PCDH11X: variants seen among roughly 807,000 people sequenced by gnomAD.
The protein encoded by PCDH11X is protocadherin 11 X-linked, also known as protocadherin-11 X-linked.
Under a neutral mutation model 53.3 loss-of-function variants are expected in PCDH11X, and 18 were observed. The observed-to-expected ratio is 0.34, with a 90% confidence interval of 0.23 to 0.50. PCDH11X has a LOEUF of 0.50. Ranked by LOEUF, PCDH11X falls within the 20% of genes least tolerant of loss-of-function variation. The probability of loss-of-function intolerance (pLI) is 0.98; values close to 1 mark genes in which losing one functional copy is unlikely to be tolerated. For synonymous variants in PCDH11X, 279 were observed against 393.3 expected (o/e 0.71, Z 3.44); for missense variants, 570 against 1,032.4 (o/e 0.55, Z 6.14).
intron 6 of PCDH11X, among the ~76,000 whole-genome samples, chrX:92,168,870 G>C (rs1372968163): frequency 3.6e-5 from 4 of 111,398 alleles, no homozygotes; most frequent in African/African-American, 1.3e-4. Context: ...CCATTATAAG[G>C]TCTGCTTTGG....
At chrX:92,225,691 A>T (rs1018317608) in intron 7 of PCDH11X, among the ~76,000 whole-genome samples, 5 of 111,470 alleles carry the variant, frequency 4.5e-5, no homozygotes, top group Middle Eastern at 8.4e-3. Flanking sequence ...TTGCAAAATT[A>T]AGAAAATAAA....
chrX:92,134,874 C>A (rs758750938), intron 6 of PCDH11X, among the ~76,000 whole-genome samples: 9 of 110,515 alleles, frequency 8.1e-5, no homozygotes. Flanking sequence ...TTTACTGCAG[C>A]CTGCTTTATC....
At chrX:91,900,120 C>G (rs1940898716) in intron 6 of PCDH11X, among the ~76,000 whole-genome samples, 1 of 110,366 alleles carries the variant, frequency 9.1e-6, no homozygotes, top group African/African-American at 3.3e-5. Flanking sequence ...TCCATGCATA[C>G]TATTCCCTAC....
chrX:92,548,494 T>C (rs1382144292), intron 10 of PCDH11X, among the ~76,000 whole-genome samples: 1 of 111,991 alleles, frequency 8.9e-6, no homozygotes, highest in African/African-American at 3.2e-5. Flanking sequence ...TATCTAGCCT[T>C]CTGGCATCTT....
At chrX:92,478,009 GA>G (rs962299743) in intron 10 of PCDH11X, among the ~76,000 whole-genome samples, 1 of 109,468 alleles carries the variant, frequency 9.1e-6, no homozygotes, top group South Asian at 4.1e-4. Flanking sequence ...GAGGTGATTG[GA>G]TCATAGGAGC....
At chrX:92,506,794 C>A (rs1445703033) in intron 10 of PCDH11X, among the ~76,000 whole-genome samples, 2 of 110,365 alleles carry the variant, frequency 1.8e-5, no homozygotes, top group African/African-American at 6.6e-5. Flanking sequence ...ATGATACAAG[C>A]TGTTCTCTAT....
At chrX:92,562,134 C>T (rs1411399977) in intron 10 of PCDH11X, among the ~76,000 whole-genome samples, 1 of 56,181 alleles carries the variant, frequency 1.8e-5, no homozygotes. Flanking sequence ...AAATACCTCA[C>T]ATGGCAAAAG....
At chrX:92,158,847 G>A (rs746517306) in intron 6 of PCDH11X, among the ~76,000 whole-genome samples, 1 of 111,156 alleles carries the variant, frequency 9.0e-6, no homozygotes, top group African/African-American at 3.3e-5. Flanking sequence ...TGTTGGCCAG[G>A]ATGGTCTCGA....
intron 7 of PCDH11X, among the ~76,000 whole-genome samples, chrX:92,247,367 A>T (rs1257007229): frequency 8.9e-6 from 1 of 111,772 alleles, no homozygotes; most frequent in Non-Finnish European, 1.9e-5. Flanking sequence ...AAAATAAATT[A>T]GTTAACTGAT....
At chrX:91,794,998 C>A (rs1217401892) in intron 1 of PCDH11X, among the ~76,000 whole-genome samples, 1 of 108,046 alleles carries the variant, frequency 9.3e-6, no homozygotes, top group Non-Finnish European at 1.9e-5. Context: ...ATGTGACTGG[C>A]TCCTCCTTGC....
intron 8 of PCDH11X, among the ~76,000 whole-genome samples, chrX:92,365,955 G>A (rs1214030375): frequency 1.8e-5 from 2 of 110,816 alleles, no homozygotes; most frequent in East Asian, 5.7e-4. Context: ...TTTTTTTGTT[G>A]TGCCTCTGCC....
intron 10 of PCDH11X, among the ~76,000 whole-genome samples, chrX:92,579,368 T>G (rs772808971): frequency 1.8e-5 from 2 of 108,572 alleles, no homozygotes; most frequent in African/African-American, 6.7e-5. Flanking sequence ...TTCCCTCCTC[T>G]CTTTCAGGCA....
chrX:92,562,621 C>A (rs1343567293), intron 10 of PCDH11X, among the ~76,000 whole-genome samples: 1 of 108,788 alleles, frequency 9.2e-6, no homozygotes, highest in Non-Finnish European at 1.9e-5. Flanking sequence ...TTATTTACTC[C>A]CACATATGAA....
At chrX:91,823,295 A>T (rs1332879121) in intron 4 of PCDH11X, among the ~76,000 whole-genome samples, 1 of 110,425 alleles carries the variant, frequency 9.1e-6, no homozygotes, top group Non-Finnish European at 1.9e-5. Context: ...CCCATTATTA[A>T]TGTGTCGGAG....
chrX:92,257,324 G>T (rs1266421264), intron 7 of PCDH11X, among the ~76,000 whole-genome samples: 6 of 111,083 alleles, frequency 5.4e-5, no homozygotes, highest in African/African-American at 1.6e-4. Context: ...TTAGACATGA[G>T]ATTTGAGTGG....
At chrX:91,816,616 G>T (rs1191803207) in intron 4 of PCDH11X, among the ~76,000 whole-genome samples, 3 of 111,202 alleles carry the variant, frequency 2.7e-5, no homozygotes, top group Non-Finnish European at 5.7e-5. Context: ...TCAAGGGAAA[G>T]TCTGCACAAA....
Position 92,131,795 on chromosome X carries a change from G to A in PCDH11X, c.3034-69580G>A, listed in dbSNP as rs2064976364. ...CTCCTGCTAAATCACGGAGGTTTGG[G>A]GAGTTCCTGGAGGACTGGGGAGTTT... is the stretch of plus-strand genomic sequence containing the variant. On this transcript the variant is annotated intron_variant, in intron 6 of 10. Coordinates refer to ENST00000682573, the MANE Select transcript of PCDH11X (RefSeq NM_032968.5). Among the ~76,000 whole-genome samples the A allele has an allele frequency of 4.6e-5, 5 of 109,669 alleles. No homozygotes were observed. In the South Asian group the frequency reaches 1.6e-3, roughly 35 times the overall value.
intron 5 of PCDH11X, among the ~76,000 whole-genome samples, chrX:91,851,301 T>G (rs2147659803): frequency 8.9e-6 from 1 of 112,008 alleles, no homozygotes; most frequent in East Asian, 2.8e-4. Context: ...CATATGATAT[T>G]GTCAGATCAA....
At chrX:91,879,761 T>G in intron 6 of PCDH11X, 1 of 758,376 alleles carries the variant, frequency 1.3e-6, no homozygotes, top group Non-Finnish European at 1.5e-6. Context: ...CCCCCCATAC[T>G]CTACCAGGCC....
Sources: allele counts gnomAD v4.1 joint callset (sites outside exome capture counted in the v4.1 genomes callset), GRCh38; gene constraint gnomAD v4.1.1; transcripts MANE v1.5; gene names NCBI Gene and HGNC (gene_info 2026-07-23, HGNC 2026-07-21).